PLD1: variants seen among roughly 807,000 people sequenced by gnomAD.
PLD1 encodes choline phosphatase 1.
Under a neutral mutation model 137.1 loss-of-function variants are expected in PLD1, and 112 were observed. The ratio of observed to expected loss-of-function variants is 0.82; its 90% CI spans 0.70 to 0.96. The LOEUF is 0.96. Among genes scored for constraint, PLD1 ranks in the 40% least tolerant of loss-of-function variants. PLD1 has a pLI of 0.00. For synonymous variants in PLD1, 431 were observed against 454.7 expected (o/e 0.95, Z 0.66); for missense variants, 1,321 against 1,342.0 (o/e 0.98, Z 0.24).
At chr3:171,681,733 A>G (rs1435419636) in intron 16 of PLD1, among the ~76,000 whole-genome samples, 3 of 152,194 alleles carry the variant, frequency 2.0e-5, no homozygotes, top group African/African-American at 7.2e-5. Flanking sequence ...TTAGGTTTGT[A>G]AAATATTTAA....
intron 1 of PLD1, among the ~76,000 whole-genome samples, chr3:171,779,229 A>G (rs936206522): frequency 6.6e-5 from 10 of 152,080 alleles, no homozygotes; most frequent in African/African-American, 2.4e-4. Flanking sequence ...AAAAGAATAG[A>G]CTGAGAGAAG....
chr3:171,650,284 G>A (rs1736617135), intron 21 of PLD1, among the ~76,000 whole-genome samples: 1 of 152,196 alleles, frequency 6.6e-6, no homozygotes, highest in African/African-American at 2.4e-5. Flanking sequence ...GTGAGGATAT[G>A]AGAGCCAGGA....
chr3:171,648,557 C>CT (rs201821154), intron 21 of PLD1, among the ~76,000 whole-genome samples: 1,443 of 143,352 alleles, frequency 0.01, 18 homozygotes, highest in African/African-American at 0.025. Context: ...AACATAGTTA[C>CT]TTTTTTTTTT....
chr3:171,801,712 A>G (rs1257719239), intron 1 of PLD1, among the ~76,000 whole-genome samples: 2 of 152,240 alleles, frequency 1.3e-5, no homozygotes, highest in African/African-American at 4.8e-5. Flanking sequence ...AACAGGCATG[A>G]GCCACTGTGC....
At chr3:171,664,211 C>T (rs1711849167) in intron 19 of PLD1, among the ~76,000 whole-genome samples, 1 of 152,084 alleles carries the variant, frequency 6.6e-6, no homozygotes, top group Admixed American at 6.5e-5. Context: ...GGAAAAATAT[C>T]ATGATTTTAC....
intron 13 of PLD1, among the ~76,000 whole-genome samples, chr3:171,691,675 T>C (rs1715169063): frequency 6.6e-6 from 1 of 152,178 alleles, no homozygotes. Flanking sequence ...ATAAATAATA[T>C]ATATAAATTA....
At chr3:171,644,871 G>A in intron 22 of PLD1, 39 bp downstream of exon 22, 1 of 1,222,242 alleles carries the variant, frequency 8.2e-7, no homozygotes, top group Non-Finnish European at 1.2e-6. Flanking sequence ...CATGATGCAT[G>A]ACCGAAAGCT....
At chr3:171,605,537 A>G (rs750695765) in intron 25 of PLD1, 121 bp from the exon 26 acceptor site, 4 of 667,922 alleles carry the variant, frequency 6.0e-6, no homozygotes, top group African/African-American at 1.8e-5. Flanking sequence ...TTGAGAGACC[A>G]TGACCTAGCT....
chr3:171,664,586 T>G (rs553374916), intron 19 of PLD1, among the ~76,000 whole-genome samples: 28 of 152,050 alleles, frequency 1.8e-4, no homozygotes, highest in Admixed American at 1.2e-3. Context: ...GCGTCCCAAG[T>G]AGCTGGGATT....
chr3:171,782,797 G>C (rs76489505), intron 1 of PLD1, among the ~76,000 whole-genome samples: 3,554 of 152,278 alleles, frequency 0.023, 134 homozygotes, highest in African/African-American at 0.081. Context: ...GAAGAATTAA[G>C]AGGAGGTATT....
At chr3:171,669,991 T>C (rs920126520) in intron 19 of PLD1, among the ~76,000 whole-genome samples, 2 of 152,222 alleles carry the variant, frequency 1.3e-5, no homozygotes, top group South Asian at 2.1e-4. Flanking sequence ...TTAAATAAGC[T>C]TGTGGCTTCT....
intron 9 of PLD1, 44 bp from the exon 10 acceptor site, chr3:171,709,753 T>G (rs2108565018): frequency 1.3e-6 from 2 of 1,545,656 alleles, no homozygotes; most frequent in East Asian, 4.5e-5. Flanking sequence ...GTCACTCTGT[T>G]CTATCTCATG....
intron 23 of PLD1, among the ~76,000 whole-genome samples, chr3:171,642,184 G>C (rs1225069285): frequency 6.6e-6 from 1 of 152,096 alleles, no homozygotes; most frequent in African/African-American, 2.4e-5. Flanking sequence ...GCTGCACATG[G>C]TGGCTCACAC....
At chr3:171,778,374 A>G (rs895971636) in intron 1 of PLD1, among the ~76,000 whole-genome samples, 1 of 152,244 alleles carries the variant, frequency 6.6e-6, no homozygotes, top group African/African-American at 2.4e-5. Context: ...TAGGGAAGAC[A>G]GACTATCAAA....
chr3:171,711,640 ACT>A (rs1259412908), intron 9 of PLD1, among the ~76,000 whole-genome samples: 1 of 151,648 alleles, frequency 6.6e-6, no homozygotes, highest in Non-Finnish European at 1.5e-5. Context: ...CCAGGAAGGG[ACT>A]CTCTTGCTTC....
At chr3:171,734,341 C>T (rs1481430440) in intron 5 of PLD1, among the ~76,000 whole-genome samples, 6 of 152,194 alleles carry the variant, frequency 3.9e-5, no homozygotes, top group Non-Finnish European at 8.8e-5. Context: ...ATTGTCCACA[C>T]TCTGCAGCAC....
intron 23 of PLD1, among the ~76,000 whole-genome samples, chr3:171,633,342 T>A (rs1191555082): frequency 6.6e-6 from 1 of 152,118 alleles, no homozygotes. Context: ...AGCATTAATG[T>A]GAAGAAATAG....
At chr3:171,725,633 A>G (rs1718444910) in intron 7 of PLD1, among the ~76,000 whole-genome samples, 1 of 152,264 alleles carries the variant, frequency 6.6e-6, no homozygotes, top group African/African-American at 2.4e-5. Context: ...CATATTTTAC[A>G]TAGTATTATT....
intron 1 of PLD1, among the ~76,000 whole-genome samples, chr3:171,747,331 G>A (rs983946277): frequency 6.6e-6 from 1 of 152,170 alleles, no homozygotes; most frequent in Non-Finnish European, 1.5e-5. Flanking sequence ...GGCCTTGGCT[G>A]TGCTGAGCAC....
Sources: allele counts gnomAD v4.1 joint callset (sites outside exome capture counted in the v4.1 genomes callset), GRCh38; gene constraint gnomAD v4.1.1; transcripts MANE v1.5; gene names NCBI Gene and HGNC (gene_info 2026-07-23, HGNC 2026-07-21).